RNF20: variants seen among roughly 807,000 people sequenced by gnomAD.
RNF20 encodes E3 ubiquitin-protein ligase BRE1A.
Under a neutral mutation model 126.2 loss-of-function variants are expected in RNF20, and 84 were observed. The observed-to-expected ratio is 0.67, with a 90% confidence interval of 0.56 to 0.80. The LOEUF is 0.80. Among genes scored for constraint, RNF20 ranks in the 30% least tolerant of loss-of-function variants. The pLI, the probability that RNF20 is intolerant of heterozygous loss-of-function variation, is 0.00. For missense variants in RNF20, 869 were observed against 1,188.2 expected, an observed-to-expected ratio of 0.73 and a Z score of 3.95; for synonymous variants, 400 against 414.3, an observed-to-expected ratio of 0.97 and a Z score of 0.42.
chr9:101,552,287 AT>A (rs1389384857), intron 12 of RNF20, 25 bp downstream of exon 12: 1 of 1,613,970 alleles, frequency 6.2e-7, no homozygotes, highest in Non-Finnish European at 8.5e-7. Flanking sequence ...TAGAATAAAT[AT>A]CATTTGCTAT....
chr9:101,541,600 GTT>G (rs930259272), intron 5 of RNF20, among the ~76,000 whole-genome samples: 6 of 152,090 alleles, frequency 3.9e-5, no homozygotes, highest in African/African-American at 1.2e-4. Flanking sequence ...ATCTGGATCT[GTT>G]TATCGTGTAT....
At chr9:101,549,110 CAA>C (rs1246241558) in intron 9 of RNF20, among the ~76,000 whole-genome samples, 14 of 152,272 alleles carry the variant, frequency 9.2e-5, no homozygotes, top group African/African-American at 2.6e-4. Flanking sequence ...AGACACAAGA[CAA>C]AGAGATAAAA....
chr9:101,555,083 A>G (rs1827512218), intron 15 of RNF20, among the ~76,000 whole-genome samples: 1 of 152,088 alleles, frequency 6.6e-6, no homozygotes, highest in Non-Finnish European at 1.5e-5. Context: ...TTGAAGATCT[A>G]GTCTTTCTCT....
chr9:101,561,150 A>C lies in RNF20; in HGVS notation c.2569A>C (p.Lys857Gln). The change falls in exon 18 of 20, where the codon AAG becomes CAG. Residue 857 changes from lysine (K) to glutamine (Q), a missense_variant. Lys to Gln is a moderately conservative substitution (Grantham distance 53, BLOSUM62 1). Transcript: ENST00000389120. The part of the protein sequence containing the change: ...LKAQLELAQK[K>Q]LHDFQDEIVE... ...AGCACAACTGGAGTTGGCTCAGAAGAAGCTACATGATTTTCAGGATGAGAT... is the reference window on the plus strand; with the variant it reads ...AGCACAACTGGAGTTGGCTCAGAAGCAGCTACATGATTTTCAGGATGAGAT... 1 of 1,613,962 alleles carries C rather than the reference A, an allele frequency of 6.2e-7. No homozygotes were observed. Among genetic ancestry groups the C allele is most frequent in the Non-Finnish European group, 8.5e-7 (1 of 1,179,840 alleles).
At chr9:101,537,464 A>G (rs971071789) in intron 2 of RNF20, among the ~76,000 whole-genome samples, 2 of 152,220 alleles carry the variant, frequency 1.3e-5, no homozygotes, top group East Asian at 1.9e-4. Flanking sequence ...TGACCTCTGA[A>G]TGGATAGGTA....
At chr9:101,544,628 AC>A in intron 5 of RNF20, 138 bp from the exon 6 acceptor site, 9 of 575,902 alleles carry the variant, frequency 1.6e-5, no homozygotes, top group Middle Eastern at 4.7e-4. Flanking sequence ...ATCGGCTCGA[AC>A]CCTGGAGGCA....
chr9:101,562,137 C>A, intron 19 of RNF20, 109 bp from the exon 20 acceptor site: 2 of 1,335,782 alleles, frequency 1.5e-6, no homozygotes, highest in Non-Finnish European at 1.0e-6. Context: ...GGAAATGATG[C>A]TCTTTTTTTA....
chr9:101,549,030 G>C (rs1415021205), intron 9 of RNF20, among the ~76,000 whole-genome samples: 2 of 152,194 alleles, frequency 1.3e-5, no homozygotes, highest in African/African-American at 4.8e-5. Context: ...TAGGTTGTTA[G>C]TGTAGGGGCC....
chr9:101,553,855 T>G (rs571198969), intron 13 of RNF20, 133 bp from the exon 14 acceptor site: 3 of 530,084 alleles, frequency 5.7e-6, no homozygotes, highest in South Asian at 2.9e-5. Context: ...GTGCAAAATT[T>G]TATCTTTTAG....
At chr9:101,552,344 C>A (rs1827460431) in intron 12 of RNF20, 39 bp from the exon 13 acceptor site, 1 of 1,610,068 alleles carries the variant, frequency 6.2e-7, no homozygotes, top group South Asian at 1.1e-5. Flanking sequence ...ATGTGGTTAT[C>A]ATAAGAGATG....
At chr9:101,548,336 G>A (rs1442804111) in intron 9 of RNF20, among the ~76,000 whole-genome samples, 2 of 152,078 alleles carry the variant, frequency 1.3e-5, no homozygotes, top group Non-Finnish European at 2.9e-5. Flanking sequence ...TGGGGAAATC[G>A]GAAGATGTTG....
intron 15 of RNF20, among the ~76,000 whole-genome samples, chr9:101,555,428 T>C (rs758895790): frequency 3.9e-5 from 6 of 152,056 alleles, no homozygotes; most frequent in Non-Finnish European, 8.8e-5. Flanking sequence ...CTCCTTATAA[T>C]GAATATGTAT....
chr9:101,550,864 TA>T (rs1827433071), intron 10 of RNF20, 79 bp downstream of exon 10: 2 of 1,205,904 alleles, frequency 1.7e-6, no homozygotes, highest in Middle Eastern at 1.9e-4. Flanking sequence ...CATGTGCAAT[TA>T]ATCTCTCATT....
chr9:101,561,741 CA>C (rs1827630893), intron 18 of RNF20, among the ~76,000 whole-genome samples, 168 bp from the exon 19 acceptor site: 1 of 152,134 alleles, frequency 6.6e-6, no homozygotes, highest in Non-Finnish European at 1.5e-5. Context: ...TCTTCTGAAA[CA>C]AAAGAAAATA....
At chr9:101,542,619 G>C (rs1391717517) in intron 5 of RNF20, among the ~76,000 whole-genome samples, 3 of 152,106 alleles carry the variant, frequency 2.0e-5, no homozygotes, top group South Asian at 2.1e-4. Flanking sequence ...TTTCTCCTTG[G>C]GCTCTAATTG....
Position 101,557,403 on chromosome 9 carries a change from C to G in RNF20, c.2189C>G (p.Ser730Cys). The change falls in exon 16 of 20, where the codon TCT becomes TGT. Residue 730 changes from serine to cysteine, a missense_variant. Around this residue, in one of 8 missense-constraint regions of RNF20, gnomAD observed 30 missense variants for 75.2 expected, o/e 0.40. Transcript: ENST00000389120. ...CTTTAGGAAGAAGAAGCACTCCTCT[C>G]TGAAATGGATGTCACAGGCCAGGCC... The part of the protein sequence containing the change: ...MAKQEEEALL[S>C]EMDVTGQAFE... 1 of 1,613,588 alleles carries G rather than the reference C, an allele frequency of 6.2e-7. No homozygotes were observed. The highest frequency in any genetic ancestry group is 1.7e-5 in the Admixed American group (1 of 60,024).
At chr9:101,545,958 A>G (rs1047225342) in intron 6 of RNF20, among the ~76,000 whole-genome samples, 1 of 152,164 alleles carries the variant, frequency 6.6e-6, no homozygotes, top group Non-Finnish European at 1.5e-5. Context: ...TTGCCTCTCC[A>G]TCATGGTAGT....
chr9:101,540,445 A>G (rs1462970818), intron 3 of RNF20, 45 bp from the exon 4 acceptor site: 17 of 1,610,632 alleles, frequency 1.1e-5, no homozygotes, highest in African/African-American at 2.7e-5. Flanking sequence ...TCATTTCCAA[A>G]GTTGTGTCCT....
intron 5 of RNF20, 35 bp downstream of exon 5, chr9:101,541,010 G>A: frequency 6.5e-7 from 1 of 1,544,154 alleles, no homozygotes; most frequent in Non-Finnish European, 8.9e-7. Flanking sequence ...GAGTAGTGGA[G>A]GAGGAATAAG....
Sources: allele counts gnomAD v4.1 joint callset (sites outside exome capture counted in the v4.1 genomes callset), GRCh38; gene constraint gnomAD v4.1.1; regional missense constraint gnomAD v4.1.1; transcripts MANE v1.5; gene names NCBI Gene and HGNC (gene_info 2026-07-23, HGNC 2026-07-21).